The following NLGN4Y variants were observed in gnomAD, a reference collection of about 807,000 sequenced individuals.
NLGN4Y encodes the protein neuroligin-4, Y-linked.
In NLGN4Y, 4 loss-of-function variants were observed where a neutral mutation model predicts 8.4. That is an observed-to-expected ratio of 0.48 (90% CI 0.23 to 1.09). The LOEUF (loss-of-function observed/expected upper bound fraction) is 1.09, where lower values mean the gene tolerates loss of function less well. NLGN4Y is among the 50% of genes least tolerant of loss of function. NLGN4Y has a pLI of 0.19. For synonymous variants in NLGN4Y, 35 were observed against 75.6 expected (o/e 0.46, Z 2.78); for missense variants, 90 against 192.3 (o/e 0.47, Z 3.15).
intron 1 of NLGN4Y, among the ~76,000 whole-genome samples, chrY:14,541,774 C>T: frequency 3.0e-5 from 1 of 33,573 alleles, no homozygotes; most frequent in Non-Finnish European, 7.3e-5. Flanking sequence ...TTGTCACTAT[C>T]AGGCCTGCGT....
intron 1 of NLGN4Y, among the ~76,000 whole-genome samples, chrY:14,595,798 C>T: frequency 3.0e-5 from 1 of 33,313 alleles, no homozygotes. Flanking sequence ...CACTCACTGA[C>T]GCAGCAACAG....
At chrY:14,730,987 A>ATGTGTGTG (rs1248863150) in intron 4 of NLGN4Y, among the ~76,000 whole-genome samples, 20 of 15,730 alleles carry the variant, frequency 1.3e-3, no homozygotes, top group East Asian at 3.9e-3. Context: ...GAACCAAATT[A>ATGTGTGTG]TGTGTGTGTG....
chrY:14,747,699 G>T, intron 4 of NLGN4Y, among the ~76,000 whole-genome samples: 1 of 33,053 alleles, frequency 3.0e-5, no homozygotes, highest in South Asian at 6.9e-4. Context: ...AAAAATAGTT[G>T]TAGGGACAGA....
intron 4 of NLGN4Y, among the ~76,000 whole-genome samples, chrY:14,823,101 G>A (rs1033458929): frequency 9.0e-5 from 3 of 33,293 alleles, no homozygotes; most frequent in Non-Finnish European, 1.5e-4. Context: ...AATTGTTCAC[G>A]AAACCTAATG....
At chrY:14,747,212 G>A in intron 4 of NLGN4Y, among the ~76,000 whole-genome samples, 1 of 32,623 alleles carries the variant, frequency 3.1e-5, no homozygotes, top group African/African-American at 1.2e-4. Flanking sequence ...GGTGGGACTT[G>A]GTGGGAGGCA....
At chrY:14,730,110 T>TA (rs1218795405) in intron 4 of NLGN4Y, among the ~76,000 whole-genome samples, 11 of 32,484 alleles carry the variant, frequency 3.4e-4, no homozygotes, top group Non-Finnish European at 6.1e-4. Context: ...TTATTTTTCA[T>TA]AAAAAAAAAT....
At chrY:14,597,459 C>T (rs1040946609) in intron 1 of NLGN4Y, among the ~76,000 whole-genome samples, 9 of 32,697 alleles carry the variant, frequency 2.8e-4, no homozygotes, top group Non-Finnish European at 5.2e-4. Flanking sequence ...CTGCTTGGCG[C>T]GTTTACAATC....
intron 1 of NLGN4Y, among the ~76,000 whole-genome samples, chrY:14,577,352 A>C: frequency 3.0e-5 from 1 of 33,829 alleles, no homozygotes; most frequent in East Asian, 7.9e-4. Context: ...ATATTACACA[A>C]ATTAAAGTAT....
chrY:14,655,042 T>A (rs2080644568), intron 2 of NLGN4Y, among the ~76,000 whole-genome samples: 1 of 33,173 alleles, frequency 3.0e-5, no homozygotes, highest in Non-Finnish European at 7.4e-5. Context: ...CCTAGGCAGA[T>A]CTTTTTTCCC....
chrY:14,704,862 A>T (rs2150546847), intron 2 of NLGN4Y, among the ~76,000 whole-genome samples: 1 of 32,728 alleles, frequency 3.1e-5, no homozygotes, highest in Admixed American at 2.8e-4. Context: ...CTGTTCAGAG[A>T]TTCAACTTCT....
chrY:14,742,711 A>C, intron 4 of NLGN4Y, among the ~76,000 whole-genome samples: 1 of 32,468 alleles, frequency 3.1e-5, no homozygotes, highest in African/African-American at 1.2e-4. Context: ...CTTCCAAGTC[A>C]TTCCCTAAAC....
chrY:14,692,305 G>T, intron 2 of NLGN4Y, among the ~76,000 whole-genome samples: 1 of 32,853 alleles, frequency 3.0e-5, no homozygotes. Context: ...GTTAATTCAT[G>T]CAATTTATCT....
chrY:14,761,336 A>G, intron 4 of NLGN4Y, among the ~76,000 whole-genome samples: 1 of 34,026 alleles, frequency 2.9e-5, no homozygotes. Flanking sequence ...TCAGGCATGT[A>G]GTTATTGAGG....
chrY:14,829,170 C>T (rs911085943), intron 5 of NLGN4Y, among the ~76,000 whole-genome samples: 2 of 33,606 alleles, frequency 6.0e-5, no homozygotes, highest in Non-Finnish European at 1.5e-4. Flanking sequence ...ACATTAATTC[C>T]CAAACCGTAA....
At chrY:14,752,274 T>C (rs761103321) in intron 4 of NLGN4Y, among the ~76,000 whole-genome samples, 1 of 33,295 alleles carries the variant, frequency 3.0e-5, no homozygotes, top group South Asian at 6.7e-4. Flanking sequence ...TTTATCATCA[T>C]GATTTTATAA....
intron 4 of NLGN4Y, among the ~76,000 whole-genome samples, chrY:14,727,923 C>T: frequency 3.0e-5 from 1 of 33,056 alleles, no homozygotes; most frequent in Non-Finnish European, 7.4e-5. Flanking sequence ...GAAGTGGATC[C>T]AATTTCCAGT....
chrY:14,680,386 T>G, intron 2 of NLGN4Y, among the ~76,000 whole-genome samples: 1 of 33,201 alleles, frequency 3.0e-5, no homozygotes, highest in East Asian at 8.2e-4. Flanking sequence ...ACTTTACCTG[T>G]GTGGCCTGGG....
chrY:14,575,696 G>T, intron 1 of NLGN4Y, among the ~76,000 whole-genome samples: 2 of 33,220 alleles, frequency 6.0e-5, no homozygotes, highest in South Asian at 6.8e-4. Flanking sequence ...TTTCTGTTCG[G>T]TTTTTTTCCC....
At chrY:14,701,195 G>GCACACACA (rs371313575) in intron 2 of NLGN4Y, among the ~76,000 whole-genome samples, 1 of 22,244 alleles carries the variant, frequency 4.5e-5, no homozygotes. Flanking sequence ...GCATGCACAC[G>GCACACACA]CACACACACA....
Sources: allele counts gnomAD v4.1 joint callset (sites outside exome capture counted in the v4.1 genomes callset), GRCh38; gene constraint gnomAD v4.1.1; transcripts MANE v1.5; gene names NCBI Gene and HGNC (gene_info 2026-07-23, HGNC 2026-07-21).